The following TBCA variants were observed in gnomAD, a reference collection of about 807,000 sequenced individuals.
The protein encoded by TBCA is tubulin folding cofactor A, also known as tubulin-specific chaperone A.
In TBCA, 6 loss-of-function variants were observed where a neutral mutation model predicts 15.8. The observed-to-expected ratio is 0.38, with a 90% CI of 0.21 to 0.75. The LOEUF (loss-of-function observed/expected upper bound fraction) is 0.75. Ranked by LOEUF, TBCA falls within the 30% of genes least tolerant of loss-of-function variation. The pLI, the probability that TBCA is intolerant of heterozygous loss-of-function variation, is 0.46. For missense variants in TBCA, 90 were observed against 131.2 expected (o/e 0.69, Z 1.53); for synonymous variants, 32 against 42.3 (o/e 0.76, Z 0.94).
intron 1 of TBCA, among the ~76,000 whole-genome samples, chr5:77,761,337 C>T (rs930712613): frequency 6.6e-6 from 1 of 152,112 alleles, no homozygotes; most frequent in Non-Finnish European, 1.5e-5. Flanking sequence ...AACCTTACCC[C>T]CAACCCCGTG....
Position 77,691,451 on chromosome 5 carries a change from A to G in TBCA, c.294T>C (p.Arg98=). The change falls in exon 4 of 4, where the codon CGT becomes CGC. Residue 98 remains arginine, a synonymous_variant. Coordinates refer to ENST00000380377, the MANE Select transcript of TBCA (RefSeq NM_004607.3). ...CTAACTTCACTGAATCCAGTACTAA[A>G]CGTGCTTCTTTATATTCCTCAGCTT... The part of the protein sequence containing the change: ...LEEAEEYKEA[R]LVLDSVKLEA The G allele has an allele frequency of 6.3e-7, 1 of 1,597,400 alleles. No homozygotes were observed. The highest frequency in any genetic ancestry group is 8.5e-7 in the Non-Finnish European group (1 of 1,176,230).
chr5:77,773,338 GTTTTT>G (rs10589730), intron 1 of TBCA, among the ~76,000 whole-genome samples: 1 of 151,300 alleles, frequency 6.6e-6, no homozygotes, highest in Non-Finnish European at 1.5e-5. Context: ...CTTTAGACAA[GTTTTT>G]TTTTTCTTTT....
chr5:77,745,664 T>C (rs1302147780), intron 1 of TBCA, among the ~76,000 whole-genome samples: 2 of 152,242 alleles, frequency 1.3e-5, no homozygotes, highest in Non-Finnish European at 1.5e-5. Flanking sequence ...AATAACAAAG[T>C]TCTGGTGAAC....
At chr5:77,715,449 A>C in intron 1 of TBCA, 1 of 535,136 alleles carries the variant, frequency 1.9e-6, no homozygotes, top group Admixed American at 3.1e-5. Flanking sequence ...TAAGGAACAG[A>C]GACAATGAGT....
chr5:77,728,561 G>A (rs1746683772), intron 1 of TBCA, among the ~76,000 whole-genome samples: 1 of 152,092 alleles, frequency 6.6e-6, no homozygotes, highest in South Asian at 2.1e-4. Context: ...TCAACAACTT[G>A]ATAATCCCTA....
At chr5:77,699,601 T>TTA (rs1745961263) in intron 2 of TBCA, among the ~76,000 whole-genome samples, 1 of 152,146 alleles carries the variant, frequency 6.6e-6, no homozygotes, top group African/African-American at 2.4e-5. Context: ...GATTGAAGAC[T>TTA]TAAATACAAA....
intron 1 of TBCA, among the ~76,000 whole-genome samples, chr5:77,754,097 A>G (rs1435586629): frequency 1.3e-5 from 2 of 152,140 alleles, no homozygotes; most frequent in Non-Finnish European, 2.9e-5. Context: ...TATTAACCTT[A>G]TTAAAACTTA....
At chr5:77,750,108 T>TC (rs1400041694) in intron 1 of TBCA, among the ~76,000 whole-genome samples, 3 of 151,146 alleles carry the variant, frequency 2.0e-5, no homozygotes, top group Non-Finnish European at 4.4e-5. Flanking sequence ...ACCGTATACC[T>TC]CTTTGTACCT....
intron 1 of TBCA, among the ~76,000 whole-genome samples, chr5:77,767,341 A>C (rs1449609289): frequency 1.3e-5 from 2 of 152,186 alleles, no homozygotes; most frequent in African/African-American, 4.8e-5. Flanking sequence ...TGGAAGTGAA[A>C]GGATCTCAAC....
intron 1 of TBCA, among the ~76,000 whole-genome samples, chr5:77,750,153 G>T (rs7713238): frequency 1.2e-4 from 17 of 144,364 alleles, no homozygotes; most frequent in Admixed American, 2.7e-4. Context: ...TATATATAGA[G>T]AGAGAGCACA....
chr5:77,761,958 AT>A (rs1212910078), intron 1 of TBCA, among the ~76,000 whole-genome samples: 1 of 152,214 alleles, frequency 6.6e-6, no homozygotes, highest in East Asian at 1.9e-4. Context: ...CCCTGTTTAG[AT>A]TAGTCTAAAT....
At chr5:77,693,014 T>C (rs1745789667) in intron 3 of TBCA, 2 of 1,422,618 alleles carry the variant, frequency 1.4e-6, no homozygotes, top group African/African-American at 1.4e-5. Flanking sequence ...GGTACTATCA[T>C]AACTTAAATA....
At chr5:77,774,154 G>T (rs969534808) in intron 1 of TBCA, among the ~76,000 whole-genome samples, 3 of 152,130 alleles carry the variant, frequency 2.0e-5, no homozygotes, top group Non-Finnish European at 4.4e-5. Context: ...AAGGCTTTTT[G>T]TAACAATAAG....
chr5:77,712,185 G>C (rs568214194), intron 1 of TBCA, among the ~76,000 whole-genome samples: 5 of 152,198 alleles, frequency 3.3e-5, no homozygotes, highest in African/African-American at 1.2e-4. Flanking sequence ...TCATCAAATT[G>C]CTTTCCAAAG....
chr5:77,693,025 A>T (rs1745790040), intron 3 of TBCA: 1 of 1,424,872 alleles, frequency 7.0e-7, no homozygotes, highest in Admixed American at 3.1e-5. Flanking sequence ...AACTTAAATA[A>T]ATTTAACTAG....
chr5:77,731,509 C>G (rs1335291214), intron 1 of TBCA, among the ~76,000 whole-genome samples: 1 of 152,176 alleles, frequency 6.6e-6, no homozygotes, highest in East Asian at 1.9e-4. Context: ...AAGTGTCATC[C>G]AATCCTATTT....
intron 3 of TBCA, chr5:77,692,992 C>A (rs1224457360): frequency 7.3e-7 from 1 of 1,369,806 alleles, no homozygotes; most frequent in Non-Finnish European, 9.4e-7. Context: ...CAAGACATTG[C>A]TGGACAATAC....
rs1166574965 is a variant in TBCA, at chr5:77,691,842, A to G, written c.247-344T>C. On this transcript the variant is annotated intron_variant, in intron 3 of 3. Transcript: ENST00000380377. ...ATCATCATACAAAAGAGAAAAGTAA[A>G]AAGGAAGATTTACTAACATGTTACA... The G allele has an allele frequency of 4.0e-6, 4 of 1,003,536 alleles. No individual in the cohort carries two copies. In the African/African-American group the frequency reaches 5.2e-5, roughly 13 times the overall value. The allele number at this position is 1,003,536 out of a possible 1,614,324, so 62.2% of individuals were successfully genotyped here.
At chr5:77,726,404 C>G (rs187756746) in intron 1 of TBCA, among the ~76,000 whole-genome samples, 50 of 152,268 alleles carry the variant, frequency 3.3e-4, no homozygotes, top group Middle Eastern at 3.4e-3. Context: ...AAACAGATTT[C>G]TTCATTACAT....
Sources: allele counts gnomAD v4.1 joint callset (sites outside exome capture counted in the v4.1 genomes callset), GRCh38; gene constraint gnomAD v4.1.1; transcripts MANE v1.5; gene names NCBI Gene and HGNC (gene_info 2026-07-23, HGNC 2026-07-21).